MYO3B: variants seen among roughly 807,000 people sequenced by gnomAD.
MYO3B encodes the protein myosin-IIIb.
Under a neutral mutation model 174.6 loss-of-function variants are expected in MYO3B, and 156 were observed. The ratio of observed to expected loss-of-function variants is 0.89; its 90% CI spans 0.78 to 1.02. The LOEUF (loss-of-function observed/expected upper bound fraction) is 1.02, where lower values mean the gene tolerates loss of function less well. Among genes scored for constraint, MYO3B ranks in the 50% least tolerant of loss-of-function variants. The pLI, the probability that MYO3B is intolerant of heterozygous loss-of-function variation, is 0.00. For synonymous variants in MYO3B, 563 were observed against 569.1 expected, an observed-to-expected ratio of 0.99 and a Z score of 0.15; for missense variants, 1,632 against 1,639.4, an observed-to-expected ratio of 1.00 and a Z score of 0.08.
chr2:170,459,911 C>A (rs1245638234), intron 23 of MYO3B, among the ~76,000 whole-genome samples: 3 of 152,120 alleles, frequency 2.0e-5, no homozygotes, highest in Non-Finnish European at 4.4e-5. Flanking sequence ...ACTGGCCAGC[C>A]GCTTCCAGTG....
At chr2:170,364,780 A>C (rs2094186170) in intron 8 of MYO3B, among the ~76,000 whole-genome samples, 1 of 152,186 alleles carries the variant, frequency 6.6e-6, no homozygotes, top group South Asian at 2.1e-4. Context: ...CAAGCCGACA[A>C]ACTTAAACAG....
At chr2:170,464,812 C>T (rs554051943) in intron 24 of MYO3B, among the ~76,000 whole-genome samples, 18 of 152,060 alleles carry the variant, frequency 1.2e-4, no homozygotes, top group Admixed American at 7.2e-4. Flanking sequence ...CTATCCTCAT[C>T]TGTTAGTCTG....
intron 7 of MYO3B, among the ~76,000 whole-genome samples, chr2:170,291,576 G>A (rs2093596271): frequency 6.6e-6 from 1 of 152,102 alleles, no homozygotes; most frequent in African/African-American, 2.4e-5. Flanking sequence ...CTTTTAGATA[G>A]AATAACTCCC....
intron 7 of MYO3B, among the ~76,000 whole-genome samples, chr2:170,326,376 G>T (rs562877911): frequency 6.6e-6 from 1 of 152,306 alleles, no homozygotes; most frequent in South Asian, 2.1e-4. Context: ...GAACAGGGTT[G>T]TGGTTTCCAC....
At chr2:170,636,946 TTGCTTTTGTGCGTG>T in intron 32 of MYO3B, among the ~76,000 whole-genome samples, 1 of 126,494 alleles carries the variant, frequency 7.9e-6, no homozygotes, top group East Asian at 2.2e-4. Flanking sequence ...GACAAAGCAT[TTGCTTTTGTGCGTG>T]TGTGTGTGTG....
At chr2:170,621,996 TA>T (rs1262379427) in intron 32 of MYO3B, among the ~76,000 whole-genome samples, 1 of 152,186 alleles carries the variant, frequency 6.6e-6, no homozygotes, top group Non-Finnish European at 1.5e-5. Context: ...CCTCAGGAAG[TA>T]ATCTTGCAAC....
chr2:170,335,372 G>A lies in MYO3B; in HGVS notation c.750-13G>A. The A allele has an allele frequency of 6.3e-7, 1 of 1,598,566 alleles. No individual in the cohort carries two copies. Among genetic ancestry groups the A allele is most frequent in the Non-Finnish European group, 8.5e-7 (1 of 1,171,752 alleles). On this transcript the variant is annotated splice_polypyrimidine_tract_variant and intron_variant, in intron 7 of 34. Coordinates refer to ENST00000408978, the MANE Select transcript of MYO3B (RefSeq NM_138995.5). ...TCTTCTTTCTTAAGAAAAAATTGCTGTTATTTTTTCAGAAATCCTCCACCT... is the reference window on the plus strand; with the variant it reads ...TCTTCTTTCTTAAGAAAAAATTGCTATTATTTTTTCAGAAATCCTCCACCT...
intron 7 of MYO3B, among the ~76,000 whole-genome samples, chr2:170,308,198 T>C (rs1305574635): frequency 1.3e-5 from 2 of 152,226 alleles, no homozygotes; most frequent in African/African-American, 2.4e-5. Flanking sequence ...GATAATAGAC[T>C]ACTCTCAGGT....
At chr2:170,251,954 A>T (rs374984929) in intron 7 of MYO3B, among the ~76,000 whole-genome samples, 6 of 152,212 alleles carry the variant, frequency 3.9e-5, no homozygotes, top group African/African-American at 1.4e-4. Flanking sequence ...CCATGGCTGG[A>T]TCTCATACAT....
intron 7 of MYO3B, among the ~76,000 whole-genome samples, chr2:170,305,659 T>G (rs527822158): frequency 1.3e-5 from 2 of 152,296 alleles, no homozygotes; most frequent in African/African-American, 4.8e-5. Flanking sequence ...CCTGTAAATT[T>G]TTGTCCCAAG....
chr2:170,608,149 A>T (rs191238969), intron 32 of MYO3B, among the ~76,000 whole-genome samples: 1 of 152,346 alleles, frequency 6.6e-6, no homozygotes, highest in Admixed American at 6.5e-5. Context: ...CGGAGGTTGC[A>T]GTGAGCCAAG....
At chr2:170,616,922 T>C (rs1214249027) in intron 32 of MYO3B, among the ~76,000 whole-genome samples, 2 of 152,228 alleles carry the variant, frequency 1.3e-5, no homozygotes, top group Non-Finnish European at 1.5e-5. Flanking sequence ...ACTCATTATA[T>C]TGAAATGGAG....
At chr2:170,208,783 C>T (rs144226778) in intron 3 of MYO3B, among the ~76,000 whole-genome samples, 149 of 152,252 alleles carry the variant, frequency 9.8e-4, no homozygotes, top group African/African-American at 3.4e-3. Flanking sequence ...TTTAGTCTTA[C>T]ACTTGACCTG....
rs1046038201 is a variant in MYO3B at position 170,590,678 on chromosome 2, A to G, written c.3733+46690A>G. Among the ~76,000 whole-genome samples the G allele has an allele frequency of 8.0e-5, 12 of 150,616 alleles. No homozygotes were observed. In the South Asian group the frequency reaches 2.3e-3, roughly 29 times the overall value. ...GATCTTCCTTTTTGTATTTTCCTGCATGGAACTGAGCTAAGAAAAATCTGG... is the reference window on the plus strand; with the variant it reads ...GATCTTCCTTTTTGTATTTTCCTGCGTGGAACTGAGCTAAGAAAAATCTGG... On this transcript the variant is annotated intron_variant, in intron 32 of 34. Transcript: ENST00000408978.
chr2:170,584,290 A>G (rs1243337556), intron 32 of MYO3B, among the ~76,000 whole-genome samples: 1 of 151,932 alleles, frequency 6.6e-6, no homozygotes, highest in East Asian at 1.9e-4. Context: ...TATCAAAGCT[A>G]TGGATAAAGT....
At chr2:170,580,235 AT>A (rs1350774941) in intron 32 of MYO3B, among the ~76,000 whole-genome samples, 1 of 152,170 alleles carries the variant, frequency 6.6e-6, no homozygotes, top group Admixed American at 6.5e-5. Context: ...TATTTAGGGT[AT>A]TTGCCAGCTT....
chr2:170,358,041 A>G (rs1394886109), intron 8 of MYO3B, among the ~76,000 whole-genome samples: 1 of 151,636 alleles, frequency 6.6e-6, no homozygotes, highest in Non-Finnish European at 1.5e-5. Flanking sequence ...AATCCCAGCT[A>G]CTCCGGAGGC....
chr2:170,354,260 G>T (rs1426659053), intron 8 of MYO3B, among the ~76,000 whole-genome samples: 4 of 152,148 alleles, frequency 2.6e-5, no homozygotes, highest in Admixed American at 6.5e-5. Flanking sequence ...CTTGTCATCA[G>T]TTCTGGTTCC....
At chr2:170,452,047 C>T (rs1365450347) in intron 23 of MYO3B, among the ~76,000 whole-genome samples, 1 of 152,166 alleles carries the variant, frequency 6.6e-6, no homozygotes, top group Non-Finnish European at 1.5e-5. Context: ...GATGTTTGCA[C>T]ACCTTCCAGA....
Sources: gnomAD v4.1 joint callset for allele counts (sites outside exome capture counted in the v4.1 genomes callset) on GRCh38, gnomAD v4.1.1 for gene constraint, MANE v1.5 for transcripts, NCBI Gene and HGNC (gene_info 2026-07-23, HGNC 2026-07-21) for gene names.